ARHGAP19: variants seen among roughly 807,000 people sequenced by gnomAD.
ARHGAP19 encodes Rho GTPase activating protein 19.
A neutral mutation model predicts 60.9 loss-of-function variants in ARHGAP19; 48 were observed. That is an observed-to-expected ratio of 0.79 (90% CI 0.62 to 1.00). The LOEUF (loss-of-function observed/expected upper bound fraction) is 1.00. Among genes scored for constraint, ARHGAP19 ranks in the 50% least tolerant of loss-of-function variants. The pLI, the probability that ARHGAP19 is intolerant of heterozygous loss-of-function variation, is 0.00. For missense variants in ARHGAP19, 562 were observed against 597.2 expected (o/e 0.94, Z 0.61); for synonymous variants, 209 against 215.5 (o/e 0.97, Z 0.27).
chr10:97,246,176 T>A, intron 7 of ARHGAP19, 96 bp downstream of exon 7: 1 of 1,028,152 alleles, frequency 9.7e-7, no homozygotes, highest in Non-Finnish European at 1.5e-6. Context: ...AACTTATTAT[T>A]TTCCATGCTT....
At chr10:97,256,903 C>T (rs150984485) in intron 5 of ARHGAP19, among the ~76,000 whole-genome samples, 6,500 of 152,214 alleles carry the variant, frequency 0.043, 207 homozygotes, top group Non-Finnish European at 0.061. Flanking sequence ...GGGCAGATCA[C>T]GAGGTCAGGA....
At chr10:97,282,025 C>T (rs1344275159) in intron 1 of ARHGAP19, among the ~76,000 whole-genome samples, 4 of 152,128 alleles carry the variant, frequency 2.6e-5, no homozygotes, top group African/African-American at 9.7e-5. Context: ...CTTTTGAATT[C>T]CCAATACGTA....
intron 7 of ARHGAP19, among the ~76,000 whole-genome samples, chr10:97,245,900 C>T (rs999383476): frequency 1.3e-5 from 2 of 152,042 alleles, no homozygotes; most frequent in Non-Finnish European, 2.9e-5. Flanking sequence ...AGTGGAGAAC[C>T]TCTGAAAGCA....
At chr10:97,253,148 G>A (rs1265950684) in intron 6 of ARHGAP19, among the ~76,000 whole-genome samples, 1 of 152,054 alleles carries the variant, frequency 6.6e-6, no homozygotes. Context: ...CAGCACTTTG[G>A]GAGGCCGAGG....
At chr10:97,270,085 T>G (rs1448005196) in intron 1 of ARHGAP19, among the ~76,000 whole-genome samples, 1 of 152,142 alleles carries the variant, frequency 6.6e-6, no homozygotes, top group Non-Finnish European at 1.5e-5. Flanking sequence ...CTCCTACTAC[T>G]TATAAGGAAT....
intron 6 of ARHGAP19, among the ~76,000 whole-genome samples, chr10:97,255,428 T>C (rs1239493447): frequency 3.9e-5 from 6 of 151,978 alleles, no homozygotes; most frequent in Admixed American, 2.0e-4. Flanking sequence ...ATACAAAAAA[T>C]CAGCCAGGCG....
At chr10:97,283,297 T>C (rs1442233720) in intron 1 of ARHGAP19, among the ~76,000 whole-genome samples, 1 of 151,838 alleles carries the variant, frequency 6.6e-6, no homozygotes, top group African/African-American at 2.4e-5. Context: ...TCACTGAAGG[T>C]GACCAGAGGG....
Position 97,223,887 on chromosome 10 carries a change from A to G in ARHGAP19, c.*2235T>C, listed in dbSNP as rs985004823. ...AGTCGATCACAGCTTCTATTAAGAA[A>G]AATGACCTATAAAACCCCTAAAGCA... On this transcript the variant is annotated 3_prime_UTR_variant, in exon 12 of 12. Coordinates refer to ENST00000358531, the MANE Select transcript of ARHGAP19 (RefSeq NM_032900.6). 2.6e-5 allele frequency: 4 copies of G among 152,270 alleles called. No homozygotes were observed. Among genetic ancestry groups the G allele is most frequent in the Non-Finnish European group, 5.9e-5 (4 of 68,050 alleles). 9.4% of individuals were successfully genotyped at this position (152,270 alleles called of 1,614,324 possible).
chr10:97,235,393 T>C (rs1169999268), intron 8 of ARHGAP19, 78 bp from the exon 9 acceptor site: 2 of 1,303,176 alleles, frequency 1.5e-6, no homozygotes, highest in Non-Finnish European at 2.2e-6. Flanking sequence ...AATAGCTAAG[T>C]GTAAATAAAA....
rs564629607 is a variant in ARHGAP19, at chr10:97,231,590, T to TA, written c.1285-1717dup. On this transcript the variant is annotated intron_variant, in intron 9 of 11. Coordinates refer to ENST00000358531, the MANE Select transcript of ARHGAP19 (RefSeq NM_032900.6). ...CCTTTTATGACTGGATTATTTCTCTTAGCATAATATCTTCAAGATTCACGC... is the reference window on the plus strand; with the variant it reads ...CCTTTTATGACTGGATTATTTCTCTTAAGCATAATATCTTCAAGATTCACGC... Among the ~76,000 whole-genome samples, 571 of 152,316 alleles carry TA rather than the reference T, an allele frequency of 3.7e-3. 2 individuals are homozygous for TA. The highest frequency in any genetic ancestry group is 6.8e-3 in the Middle Eastern group (2 of 294).
intron 1 of ARHGAP19, among the ~76,000 whole-genome samples, chr10:97,269,036 T>C (rs891109123): frequency 2.0e-5 from 3 of 152,134 alleles, no homozygotes; most frequent in Non-Finnish European, 2.9e-5. Context: ...TCGGGCAGAA[T>C]TGAAATTCAC....
At position 97,239,771 on chromosome 10, in the gene ARHGAP19, G is replaced by T. The variant is rs150956453; in HGVS notation, c.1185+4197C>A. 1.4e-3 allele frequency among the ~76,000 whole-genome samples: 217 copies of T among 151,680 alleles called. 1 individual carries two copies. Among genetic ancestry groups the T allele is most frequent in the Middle Eastern group, 0.01 (3 of 294 alleles). On this transcript the variant is annotated intron_variant, in intron 8 of 11. Transcript: ENST00000358531. ...TGCCCAGGCTGGAGTGCAATGGCATGACCTCGGCTCACAGCAACCTCTGCC... is the reference window on the plus strand; with the variant it reads ...TGCCCAGGCTGGAGTGCAATGGCATTACCTCGGCTCACAGCAACCTCTGCC...
intron 6 of ARHGAP19, among the ~76,000 whole-genome samples, chr10:97,252,319 T>TCC (rs1478189780): frequency 7.1e-6 from 1 of 139,964 alleles, no homozygotes. Context: ...AGAATGAGAC[T>TCC]GTCTCAAAAA....
chr10:97,267,912 G>A (rs1395633028), intron 1 of ARHGAP19, among the ~76,000 whole-genome samples: 2 of 152,236 alleles, frequency 1.3e-5, no homozygotes, highest in African/African-American at 2.4e-5. Context: ...TGCTACAAAG[G>A]TCTCTGGCAT....
intron 9 of ARHGAP19, among the ~76,000 whole-genome samples, chr10:97,230,105 G>A (rs1423019827): frequency 6.6e-6 from 1 of 152,124 alleles, no homozygotes; most frequent in Non-Finnish European, 1.5e-5. Flanking sequence ...ACATTTAAAA[G>A]GGCTGAAAGG....
intron 7 of ARHGAP19, among the ~76,000 whole-genome samples, chr10:97,245,091 C>T (rs754989673): frequency 2.0e-5 from 3 of 151,922 alleles, no homozygotes; most frequent in Non-Finnish European, 4.4e-5. Flanking sequence ...CTGCAACCTC[C>T]GCCTCCTGAG....
Position 97,252,210 on chromosome 10 carries a change from G to A in ARHGAP19, c.927+4108C>T, listed in dbSNP as rs1332052892. On this transcript the variant is annotated intron_variant, in intron 6 of 11. Coordinates refer to ENST00000358531, the MANE Select transcript of ARHGAP19 (RefSeq NM_032900.6). The stretch of plus-strand genomic sequence containing the variant: ...AATTAAAAACTAGCCAGGTGTGGTG[G>A]CATGCGCCTGTGGTCCCAGCTAACC... Among the ~76,000 whole-genome samples, 3 of 152,050 alleles carry A rather than the reference G, an allele frequency of 2.0e-5. No homozygotes were observed. The East Asian group carries it at 5.8e-4, about 29-fold the overall frequency.
At chr10:97,251,317 G>A (rs1278808243) in intron 6 of ARHGAP19, among the ~76,000 whole-genome samples, 4 of 49,382 alleles carry the variant, frequency 8.1e-5, no homozygotes, top group East Asian at 1.4e-3. Context: ...AAGGGAAGGG[G>A]AAGGGAAGGG....
intron 2 of ARHGAP19, among the ~76,000 whole-genome samples, chr10:97,265,127 G>A (rs1379776516): frequency 6.6e-6 from 1 of 152,124 alleles, no homozygotes; most frequent in Non-Finnish European, 1.5e-5. Context: ...TCCCTGAAGG[G>A]AAAGACCATC....
Sources: gnomAD v4.1 joint callset for allele counts (sites outside exome capture counted in the v4.1 genomes callset) on GRCh38, gnomAD v4.1.1 for gene constraint, MANE v1.5 for transcripts, NCBI Gene and HGNC (gene_info 2026-07-23, HGNC 2026-07-21) for gene names.